Variants in GRIK3 observed in about 807,000 individuals in gnomAD.
GRIK3 encodes glutamate ionotropic receptor kainate type subunit 3.
In GRIK3, 29 loss-of-function variants were observed where a neutral mutation model predicts 102.5. The ratio of observed to expected loss-of-function variants is 0.28; its 90% CI spans 0.21 to 0.39. The LOEUF is 0.39. Ranked by LOEUF, GRIK3 falls within the 10% of genes least tolerant of loss-of-function variation. The pLI, the probability that GRIK3 is intolerant of heterozygous loss-of-function variation, is 1.00. For synonymous variants in GRIK3, 511 were observed against 504.9 expected, an observed-to-expected ratio of 1.01 and a Z score of -0.16; for missense variants, 908 against 1,252.4, an observed-to-expected ratio of 0.73 and a Z score of 4.15.
In GRIK3 at chr1:36,850,048, C is replaced by G; in HGVS notation, c.1326+263G>C. 1 of 437,832 alleles carries G rather than the reference C, an allele frequency of 2.3e-6. No homozygotes were observed. Among genetic ancestry groups the G allele is most frequent in the Non-Finnish European group, 4.1e-6 (1 of 242,228 alleles). 27.1% of individuals were successfully genotyped at this position (437,832 alleles called of 1,614,324 possible). On this transcript the variant is annotated intron_variant, in intron 9 of 15. Transcript: ENST00000373091. The surrounding 1 kb of genome is among the most constrained non-coding windows in gnomAD (Gnocchi z 4.0). The stretch of plus-strand genomic sequence containing the variant: ...TGTCAAACCCCCTTAATTCCACCAT[C>G]CAGCATGGTTCCTACTCAGACATCA...
rs573304546 is a variant in GRIK3 at position 36,982,342 on chromosome 1, T to C, written c.115+51652A>G. 2.8e-4 allele frequency among the ~76,000 whole-genome samples: 42 copies of C among 152,318 alleles called. 1 individual carries two copies. In the South Asian group the frequency reaches 7.7e-3, roughly 28 times the overall value. ...ATGAGGCTACTGCTCCCACAGCTTC[T>C]GGAGGAGGCGGCCCTGCTTGGCGCA... is the stretch of plus-strand genomic sequence containing the variant. On this transcript the variant is annotated intron_variant, in intron 1 of 15. Transcript: ENST00000373091.
At chr1:37,032,346 A>G (rs1642837101) in intron 1 of GRIK3, among the ~76,000 whole-genome samples, 1 of 152,136 alleles carries the variant, frequency 6.6e-6, no homozygotes, top group Non-Finnish European at 1.5e-5. Context: ...GATCAAGGAA[A>G]AGGGAACTGC....
intron 1 of GRIK3, among the ~76,000 whole-genome samples, chr1:36,911,566 G>A (rs1019397876): frequency 6.6e-6 from 1 of 152,100 alleles, no homozygotes; most frequent in Non-Finnish European, 1.5e-5. Flanking sequence ...CTTCCCTGGG[G>A]TCCCAGGGGG....
At chr1:36,999,992 G>A (rs527289531) in intron 1 of GRIK3, among the ~76,000 whole-genome samples, 2 of 151,976 alleles carry the variant, frequency 1.3e-5, no homozygotes, top group East Asian at 1.9e-4. Flanking sequence ...GCGAGACTCC[G>A]TCTCAGAAAA....
At position 36,825,685 on chromosome 1, in the gene GRIK3, G is replaced by A. The variant is rs1642747952; in HGVS notation, c.1672C>T (p.Leu558Phe). The change falls in exon 11 of 16, where the codon CTC becomes TTC. Residue 558 changes from leucine (L) to phenylalanine (F), a missense_variant. Physicochemically the swap from Leu to Phe is conservative, Grantham distance 22 (BLOSUM62 0). Transcript: ENST00000373091. The stretch of plus-strand genomic sequence containing the variant: ...CAGATGTCTGGGGACAGGGGATTGA[G>A]GAAGGAGAAGACGCTGGGGTTGGTG... ...NGTNPSVFSF[L>F]NPLSPDIWMY... is the part of the protein sequence containing the mutation. The A allele has an allele frequency of 1.9e-5, 30 of 1,613,786 alleles. No homozygotes were observed. The highest frequency in any genetic ancestry group is 2.5e-5 in the Non-Finnish European group (29 of 1,179,862).
chr1:37,031,888 G>A (rs1031581242), intron 1 of GRIK3, among the ~76,000 whole-genome samples: 1 of 152,180 alleles, frequency 6.6e-6, no homozygotes, highest in Non-Finnish European at 1.5e-5. Context: ...CTCCCCAGGA[G>A]TCTCCAGAGG....
intron 5 of GRIK3, among the ~76,000 whole-genome samples, chr1:36,867,582 C>T (rs1640798998): frequency 6.6e-6 from 1 of 152,120 alleles, no homozygotes; most frequent in African/African-American, 2.4e-5. Flanking sequence ...AGAATGCTCT[C>T]TAAGGTCCTG....
chr1:36,803,189 T>C (rs1015609926), intron 15 of GRIK3, among the ~76,000 whole-genome samples: 9 of 151,932 alleles, frequency 5.9e-5, no homozygotes, highest in Admixed American at 2.0e-4. Flanking sequence ...GGAGGTAACA[T>C]TGGAACTGAA....
chr1:36,968,102 C>T (rs770340537), intron 1 of GRIK3, among the ~76,000 whole-genome samples: 3 of 152,108 alleles, frequency 2.0e-5, no homozygotes, highest in Non-Finnish European at 4.4e-5. Flanking sequence ...CCCCAGCTAC[C>T]CCCATCTCTT....
chr1:37,020,688 C>T (rs770027798), intron 1 of GRIK3, among the ~76,000 whole-genome samples: 1 of 152,116 alleles, frequency 6.6e-6, no homozygotes, highest in Non-Finnish European at 1.5e-5. Flanking sequence ...TTTTACCATG[C>T]GTTATTCTAT....
intron 1 of GRIK3, among the ~76,000 whole-genome samples, chr1:36,895,966 G>A (rs1435852599): frequency 6.6e-6 from 1 of 152,206 alleles, no homozygotes; most frequent in Non-Finnish European, 1.5e-5. Flanking sequence ...AGAAGAGGGT[G>A]AAGTGAAATA....
rs1417679297 is a variant in GRIK3, at chr1:36,806,238, T to C, written c.2180A>G (p.Gln727Arg). 1 of 1,613,960 alleles carries C rather than the reference T, an allele frequency of 6.2e-7. No homozygotes were observed. Among genetic ancestry groups the C allele is most frequent in the Admixed American group, 1.7e-5 (1 of 60,032 alleles). The change falls in exon 14 of 16, where the codon CAG becomes CGG. Residue 727 changes from glutamine to arginine, a missense_variant. Around this residue, in one of 3 missense-constraint regions of GRIK3, gnomAD observed 297 missense variants for 362.7 expected, o/e 0.82. Transcript: ENST00000373091. This position sits in a 1 kb window ranked among gnomAD's most constrained non-coding sequence, Gnocchi z 4.0. Reference protein sequence around the residue: ...ALVKNNEEGIQRALTADYALL... With the variant: ...ALVKNNEEGIRRALTADYALL... ...CGCGTAGTCGGCCGTCAGGGCCCTCTGGATGCCCTCCTCGTTGTTCTTCAC... is the reference window on the plus strand; with the variant it reads ...CGCGTAGTCGGCCGTCAGGGCCCTCCGGATGCCCTCCTCGTTGTTCTTCAC...
chr1:36,845,406 C>T (rs904069279), intron 9 of GRIK3, among the ~76,000 whole-genome samples: 4 of 152,174 alleles, frequency 2.6e-5, no homozygotes, highest in Admixed American at 6.5e-5. Context: ...TCTGACTTTC[C>T]GTTGTCAGGG....
intron 1 of GRIK3, among the ~76,000 whole-genome samples, chr1:36,985,534 C>T (rs1642295263): frequency 6.6e-6 from 1 of 152,174 alleles, no homozygotes; most frequent in African/African-American, 2.4e-5. Flanking sequence ...TGCATACCTG[C>T]CTCAGGTCCT....
rs555937533 is a variant in GRIK3, at chr1:36,817,479, C to T, written c.1874-202G>A. The stretch of plus-strand genomic sequence containing the variant: ...TAGAAATGCACATTCTTGGGCCCTT[C>T]CCCAGCACTCACTGAATCAGTAATT... On this transcript the variant is annotated intron_variant, in intron 12 of 15. Transcript: ENST00000373091. Among the ~76,000 whole-genome samples, 3 of 152,308 alleles carry T rather than the reference C, an allele frequency of 2.0e-5. No homozygotes were observed. The South Asian group carries it at 6.2e-4, about 32-fold the overall frequency.
In GRIK3 at chr1:36,949,753, T is replaced by C. The variant is rs114953370; in HGVS notation, c.116-58657A>G. ...CCATGTCCGGCTAATACTTTTTGTA[T>C]ATTTATTAGAGACAGGGGGGTCACC... On this transcript the variant is annotated intron_variant, in intron 1 of 15. Coordinates refer to ENST00000373091, the MANE Select transcript of GRIK3 (RefSeq NM_000831.4). Among the ~76,000 whole-genome samples the C allele has an allele frequency of 4.3e-3, 648 of 152,054 alleles. 5 individuals carry two copies. Among genetic ancestry groups the C allele is most frequent in the African/African-American group, 0.015 (625 of 41,472 alleles).
chr1:36,932,548 C>A (rs1193362070), intron 1 of GRIK3, among the ~76,000 whole-genome samples: 1 of 152,246 alleles, frequency 6.6e-6, no homozygotes, highest in Non-Finnish European at 1.5e-5. Flanking sequence ...AGAGGCAACA[C>A]TCCCAGGGCC....
At chr1:36,888,671 G>A (rs544798363) in intron 2 of GRIK3, among the ~76,000 whole-genome samples, 51 of 152,166 alleles carry the variant, frequency 3.4e-4, no homozygotes, top group Non-Finnish European at 6.5e-4. Context: ...CACAGTGGGC[G>A]CTCAACAGAC....
intron 2 of GRIK3, 136 bp from the exon 3 acceptor site, chr1:36,881,027 C>G: frequency 1.1e-6 from 1 of 891,324 alleles, no homozygotes; most frequent in Non-Finnish European, 1.7e-6. Context: ...GATGAGCTCT[C>G]TGAACCTCAG....
Sources: gnomAD v4.1 joint callset for allele counts (sites outside exome capture counted in the v4.1 genomes callset) on GRCh38, gnomAD v4.1.1 for gene constraint, gnomAD v4.1.1 regional missense constraint, Gnocchi (gnomAD v3.1) non-coding constraint, MANE v1.5 for transcripts, NCBI Gene and HGNC (gene_info 2026-07-23, HGNC 2026-07-21) for gene names.